Variants in GTSF1 observed in about 807,000 individuals in gnomAD.
GTSF1 encodes gametocyte-specific factor 1.
A neutral mutation model predicts 28.9 loss-of-function variants in GTSF1; 11 were observed. That is an observed-to-expected ratio of 0.38 (90% CI 0.24 to 0.63). The LOEUF (loss-of-function observed/expected upper bound fraction) is 0.63, where lower values mean the gene tolerates loss of function less well. Among genes scored for constraint, GTSF1 ranks in the 30% least tolerant of loss-of-function variants. GTSF1 has a pLI of 0.56. For missense variants in GTSF1, 146 were observed against 201.0 expected (o/e 0.73, Z 1.66); for synonymous variants, 69 against 65.6 (o/e 1.05, Z -0.25).
intron 1 of GTSF1, chr12:54,472,340 A>G (rs1956604195): frequency 6.6e-6 from 1 of 152,346 alleles, no homozygotes. Context: ...CTTCAGTGCT[A>G]AAGTGGCAAT....
chr12:54,466,536 C>T (rs1042982993), intron 2 of GTSF1, among the ~76,000 whole-genome samples: 1 of 152,098 alleles, frequency 6.6e-6, no homozygotes, highest in African/African-American at 2.4e-5. Context: ...TTCATATTTC[C>T]GAAGCTTCAG....
At chr12:54,458,346 C>G (rs1461692741) in intron 8 of GTSF1, among the ~76,000 whole-genome samples, 1 of 152,132 alleles carries the variant, frequency 6.6e-6, no homozygotes, top group African/African-American at 2.4e-5. Context: ...GTGTAAAACT[C>G]TTAGAAACCC....
rs1956453387 is a variant in GTSF1, at chr12:54,463,286, A to C, written c.129T>G (p.Asp43Glu). ...HLIKCRKNHP[D>E]VASKLATCPF... The stretch of plus-strand genomic sequence containing the variant: ...GACAAGTAGCCAATTTGCTTGCAAC[A>C]TCAGGATGATTCTGTGGAACCAAAA... Residue 43 changes from aspartate (D) to glutamate (E), a missense_variant, in exon 4 of 9, where the codon GAT (aspartate) becomes GAG (glutamate). Asp to Glu is a conservative substitution (Grantham distance 45, BLOSUM62 2). Transcript: ENST00000305879. 1 of 1,613,792 alleles carries C rather than the reference A, an allele frequency of 6.2e-7. No individual in the cohort carries two copies. The highest frequency in any genetic ancestry group is 1.1e-5 in the South Asian group (1 of 91,072).
chr12:54,458,971 C>T, intron 8 of GTSF1, 118 bp downstream of exon 8: 1 of 642,586 alleles, frequency 1.6e-6, no homozygotes, highest in Non-Finnish European at 2.7e-6. Context: ...AACACATGCA[C>T]ACACAAAGCT....
At chr12:54,471,182 C>G in intron 2 of GTSF1, 51 bp downstream of exon 2, 1 of 1,423,076 alleles carries the variant, frequency 7.0e-7, no homozygotes, top group Non-Finnish European at 9.6e-7. Flanking sequence ...AGATATAAAA[C>G]TATACGTAAA....
At chr12:54,467,293 G>T (rs1956531528) in intron 2 of GTSF1, among the ~76,000 whole-genome samples, 1 of 151,594 alleles carries the variant, frequency 6.6e-6, no homozygotes, top group Non-Finnish European at 1.5e-5. Context: ...ACATGTGACA[G>T]AATTTCCTGT....
At chr12:54,467,455 C>T (rs1328339605) in intron 2 of GTSF1, among the ~76,000 whole-genome samples, 1 of 151,944 alleles carries the variant, frequency 6.6e-6, no homozygotes, top group Non-Finnish European at 1.5e-5. Flanking sequence ...GCTGGGATTA[C>T]AGGCATCCAC....
intron 8 of GTSF1, among the ~76,000 whole-genome samples, chr12:54,456,816 T>A (rs1484049779): frequency 6.6e-6 from 1 of 152,196 alleles, no homozygotes; most frequent in Non-Finnish European, 1.5e-5. Context: ...CCGGGTGTGG[T>A]GGCTCCTGCC....
rs530984666 is a variant in GTSF1 at position 54,460,285 on chromosome 12, A to G, written c.487+92T>C. The G allele has an allele frequency of 6.3e-4, 556 of 889,528 alleles. 12 individuals are homozygous for G. In the South Asian group the frequency reaches 7.9e-3, roughly 13 times the overall value. 55.1% of individuals were successfully genotyped at this position (889,528 alleles called of 1,614,324 possible). The stretch of plus-strand genomic sequence containing the variant: ...TCACTTTAAGGGTCATGGAAATGCA[A>G]GGTGTTCAGACTGAACACATCTGAA... On this transcript the variant is annotated intron_variant, in intron 7 of 8. Coordinates refer to ENST00000305879, the MANE Select transcript of GTSF1 (RefSeq NM_144594.3).
intron 2 of GTSF1, chr12:54,467,069 C>T (rs900296493): frequency 3.9e-5 from 6 of 152,000 alleles, no homozygotes; most frequent in African/African-American, 1.4e-4. Context: ...TGCAACTAGT[C>T]TCCAAAAGTT....
rs747040222 is a variant in GTSF1, at chr12:54,459,115, T to C, written c.498A>G (p.Ala166=). ...TGATGAGATAGGTATTCAGTTACTGTGCATTTCCATCTACAAGTAGAAATA... is the reference window on the plus strand; with the variant it reads ...TGATGAGATAGGTATTCAGTTACTGCGCATTTCCATCTACAAGTAGAAATA... ...YVLPWKNNGN[A]Q is the part of the protein sequence containing the mutation. Residue 166 remains alanine, a synonymous_variant, in exon 8 of 9, where the codon GCA becomes GCG. Coordinates refer to ENST00000305879, the MANE Select transcript of GTSF1 (RefSeq NM_144594.3). 58 of 1,605,444 alleles carry C rather than the reference T, an allele frequency of 3.6e-5. No individual in the cohort carries two copies. Among genetic ancestry groups the C allele is most frequent in the Non-Finnish European group, 4.8e-5 (56 of 1,173,944 alleles).
chr12:54,463,829 A>T (rs1288313663), intron 3 of GTSF1, among the ~76,000 whole-genome samples: 6 of 152,252 alleles, frequency 3.9e-5, no homozygotes, highest in Admixed American at 3.9e-4. Flanking sequence ...AGTGATGCTT[A>T]CTTAACGTAA....
intron 8 of GTSF1, 27 bp from the exon 9 acceptor site, chr12:54,456,180 T>C (rs900366669): frequency 1.3e-5 from 2 of 152,352 alleles, no homozygotes; most frequent in South Asian, 2.1e-4. Flanking sequence ...AAAAAAAAGT[T>C]CTTAGTTTTT....
At chr12:54,461,960 A>T in intron 6 of GTSF1, 149 bp downstream of exon 6, 1 of 594,292 alleles carries the variant, frequency 1.7e-6, no homozygotes, top group Non-Finnish European at 3.0e-6. Flanking sequence ...AGGAATAAAT[A>T]TGAAAAAATG....
intron 5 of GTSF1, 53 bp from the exon 6 acceptor site, chr12:54,462,225 A>ATGAACTGCTGGT: frequency 3.9e-6 from 5 of 1,276,542 alleles, no homozygotes; most frequent in Non-Finnish European, 5.7e-6. Flanking sequence ...AGACACCAGC[A>ATGAACTGCTGGT]GTTCATGTTG....
chr12:54,458,399 A>G (rs553562909), intron 8 of GTSF1, among the ~76,000 whole-genome samples: 4 of 152,238 alleles, frequency 2.6e-5, no homozygotes, highest in Admixed American at 2.0e-4. Flanking sequence ...TTGAGACATA[A>G]TCTTACTCTG....
intron 4 of GTSF1, 49 bp downstream of exon 4, chr12:54,463,122 T>G (rs2120755435): frequency 6.3e-7 from 1 of 1,579,740 alleles, no homozygotes; most frequent in East Asian, 2.2e-5. Flanking sequence ...AATACAAATC[T>G]GAAGGAGCTA....
Position 54,462,164 on chromosome 12 carries a change from C to T in GTSF1, c.337G>A (p.Glu113Lys), listed in dbSNP as rs183835298. The change falls in exon 6 of 9, where the codon GAG (glutamate) becomes AAG (lysine). Residue 113 changes from glutamate (E) to lysine (K), a missense_variant. Physicochemically the swap from Glu to Lys is moderately conservative, Grantham distance 56 (BLOSUM62 1). Transcript: ENST00000305879. ...CAGACAAATGGGGTGCTGGTCTGCT[C>T]CCACAAATCTGTTAAAGGAAGCAAA... ...CDEDWDKDLW[E>K]QTSTPFVWGT... 2.8e-5 allele frequency: 45 copies of T among 1,612,820 alleles called. No homozygotes were observed. In the Admixed American group the frequency reaches 5.8e-4, roughly 21 times the overall value.
chr12:54,458,026 G>A (rs1031711024), intron 8 of GTSF1, among the ~76,000 whole-genome samples: 2 of 152,218 alleles, frequency 1.3e-5, no homozygotes, highest in African/African-American at 4.8e-5. Context: ...TGTTCAGAGA[G>A]AGTGAACAGA....
Sources: allele counts gnomAD v4.1 joint callset (sites outside exome capture counted in the v4.1 genomes callset), GRCh38; gene constraint gnomAD v4.1.1; transcripts MANE v1.5; gene names NCBI Gene and HGNC (gene_info 2026-07-23, HGNC 2026-07-21).